SFMBT2: variants seen among roughly 807,000 people sequenced by gnomAD.
SFMBT2 encodes scm-like with four MBT domains protein 2.
SFMBT2 carries 38 observed loss-of-function variants against 110.1 expected under a neutral mutation model. The observed-to-expected ratio is 0.35, with a 90% CI of 0.27 to 0.45. The LOEUF (loss-of-function observed/expected upper bound fraction) is 0.45. Among genes scored for constraint, SFMBT2 ranks in the 20% least tolerant of loss-of-function variants. SFMBT2 has a pLI of 1.00. For missense variants in SFMBT2, 1,011 were observed against 1,094.9 expected (o/e 0.92, Z 1.08); for synonymous variants, 425 against 425.4 (o/e 1.00, Z 0.01).
intron 1 of SFMBT2, among the ~76,000 whole-genome samples, chr10:7,388,301 C>T (rs184294273): frequency 5.1e-4 from 76 of 149,524 alleles, no homozygotes; most frequent in Non-Finnish European, 8.1e-4. Flanking sequence ...AAAAATGAAG[C>T]AGAAAAGATC....
intron 4 of SFMBT2, among the ~76,000 whole-genome samples, chr10:7,337,327 A>G (rs1297851740): frequency 1.3e-5 from 2 of 152,182 alleles, no homozygotes; most frequent in Non-Finnish European, 2.9e-5. Context: ...TTCTATTCCA[A>G]GGTTCCACCT....
chr10:7,378,193 T>G (rs1335612779), intron 2 of SFMBT2, among the ~76,000 whole-genome samples: 1 of 31,600 alleles, frequency 3.2e-5, no homozygotes, highest in African/African-American at 1.7e-4. Flanking sequence ...TGTGGGTGTG[T>G]GTGGGTGTAT....
Position 7,201,708 on chromosome 10 carries a change from G to A in SFMBT2, c.1487+772C>T, listed in dbSNP as rs1340871884. The stretch of plus-strand genomic sequence containing the variant: ...TCCCTTGGCCTGGAATGTACATTTT[G>A]GCGTATTTTAAATTATTTTTCAATA... On this transcript the variant is annotated intron_variant, in intron 13 of 20. Coordinates refer to ENST00000397167, the MANE Select transcript of SFMBT2 (RefSeq NM_001387889.1). Among the ~76,000 whole-genome samples, 8 of 152,236 alleles carry A rather than the reference G, an allele frequency of 5.3e-5. No homozygotes were observed. The South Asian group carries it at 1.2e-3, about 24-fold the overall frequency.
intron 16 of SFMBT2, among the ~76,000 whole-genome samples, chr10:7,184,715 A>AG (rs1170212101): frequency 9.2e-5 from 14 of 152,226 alleles, no homozygotes; most frequent in African/African-American, 3.1e-4. Flanking sequence ...AATCACCCTT[A>AG]TGAGACCTTT....
chr10:7,175,457 C>T (rs1310450450), intron 17 of SFMBT2, among the ~76,000 whole-genome samples: 3 of 152,176 alleles, frequency 2.0e-5, no homozygotes, highest in Non-Finnish European at 2.9e-5. Flanking sequence ...GAGGCAAAGC[C>T]AACTGGCAGA....
intron 15 of SFMBT2, among the ~76,000 whole-genome samples, chr10:7,190,314 G>A (rs907132670): frequency 6.6e-6 from 1 of 152,216 alleles, no homozygotes; most frequent in African/African-American, 2.4e-5. Flanking sequence ...AACGCACACA[G>A]TGTTTATCAA....
chr10:7,304,033 C>T (rs1259104212), intron 4 of SFMBT2, among the ~76,000 whole-genome samples: 2 of 152,156 alleles, frequency 1.3e-5, no homozygotes, highest in South Asian at 2.1e-4. Context: ...TCTGCATGGG[C>T]GAGGTGGGCC....
At chr10:7,248,707 CTG>C in intron 7 of SFMBT2, 58 bp from the exon 8 acceptor site, 2 of 1,493,958 alleles carry the variant, frequency 1.3e-6, no homozygotes, top group Non-Finnish European at 1.9e-6. Flanking sequence ...ACCTCAGCCA[CTG>C]TCCGGATGCG....
intron 11 of SFMBT2, among the ~76,000 whole-genome samples, chr10:7,213,648 T>A (rs1425444200): frequency 6.6e-6 from 1 of 151,878 alleles, no homozygotes. Context: ...CACGTGGAGA[T>A]GTTTTGCAGG....
intron 11 of SFMBT2, among the ~76,000 whole-genome samples, chr10:7,209,962 T>A (rs1839281811): frequency 6.6e-6 from 1 of 152,234 alleles, no homozygotes; most frequent in Admixed American, 6.5e-5. Context: ...GTCAGGTTAA[T>A]GAGGGGCCAA....
At chr10:7,368,702 A>G (rs768332198) in intron 3 of SFMBT2, among the ~76,000 whole-genome samples, 1 of 152,240 alleles carries the variant, frequency 6.6e-6, no homozygotes, top group Non-Finnish European at 1.5e-5. Context: ...TACAGAAAGG[A>G]AGGAAAAATT....
chr10:7,215,607 C>A (rs931378760), intron 11 of SFMBT2: 4 of 985,420 alleles, frequency 4.1e-6, no homozygotes, highest in Non-Finnish European at 4.8e-6. Context: ...AACCTGGGTT[C>A]ACCTGCATGG....
chr10:7,286,337 G>A (rs1842086873), intron 4 of SFMBT2: 1 of 896,650 alleles, frequency 1.1e-6, no homozygotes, highest in Non-Finnish European at 1.3e-6. Context: ...ATCAAACCAG[G>A]CCCCGAATTA....
chr10:7,300,430 G>A (rs74465670), intron 4 of SFMBT2, among the ~76,000 whole-genome samples: 4,358 of 152,242 alleles, frequency 0.029, 189 homozygotes, highest in African/African-American at 0.097. Context: ...GGGCTGAGTC[G>A]TTCACTCCAA....
At chr10:7,215,100 GACAAAA>G (rs1354220869) in intron 11 of SFMBT2, among the ~76,000 whole-genome samples, 1 of 152,290 alleles carries the variant, frequency 6.6e-6, no homozygotes, top group Middle Eastern at 3.4e-3. Flanking sequence ...TCATGATGAG[GACAAAA>G]ACAGAGAAAA....
At chr10:7,181,687 T>C (rs1328976152) in intron 16 of SFMBT2, among the ~76,000 whole-genome samples, 2 of 152,148 alleles carry the variant, frequency 1.3e-5, no homozygotes, top group Non-Finnish European at 2.9e-5. Context: ...TATCAATACA[T>C]TAAGGATAAA....
intron 4 of SFMBT2, among the ~76,000 whole-genome samples, chr10:7,342,553 C>G (rs1346792969): frequency 6.6e-6 from 1 of 151,956 alleles, no homozygotes; most frequent in Non-Finnish European, 1.5e-5. Context: ...GGACTACAGG[C>G]ACCCGCCACC....
At chr10:7,192,269 G>C (rs1034734609) in intron 15 of SFMBT2, among the ~76,000 whole-genome samples, 11 of 152,156 alleles carry the variant, frequency 7.2e-5, no homozygotes, top group Admixed American at 6.5e-4. Flanking sequence ...ACTTCGCTGA[G>C]GTCAGCTGGG....
Position 7,367,821 on chromosome 10 carries a change from C to G in SFMBT2, c.264G>C (p.Pro88=). 3.1e-6 allele frequency: 5 copies of G among 1,614,132 alleles called. No homozygotes were observed. The highest frequency in any genetic ancestry group is 3.4e-6 in the Non-Finnish European group (4 of 1,180,036). The change falls in exon 4 of 21, where the codon CCG becomes CCC. Residue 88 remains proline, a synonymous_variant. Transcript: ENST00000397167. The surrounding 1 kb of genome is among the most constrained non-coding windows in gnomAD (Gnocchi z 6.2). ...TGATCGTGGCCACCCAGTACGTGTC[C>G]GGGTTGTTCTTATTAGCCACTTCCA... ...MKLEVANKNN[P]DTYWVATIIT... is the part of the protein sequence containing the mutation.
Sources: gnomAD v4.1 joint callset for allele counts (sites outside exome capture counted in the v4.1 genomes callset) on GRCh38, gnomAD v4.1.1 for gene constraint, Gnocchi (gnomAD v3.1) non-coding constraint, MANE v1.5 for transcripts, NCBI Gene and HGNC (gene_info 2026-07-23, HGNC 2026-07-21) for gene names.